Variants in CADM1 observed in about 807,000 individuals in gnomAD.
The protein encoded by CADM1 is TSLC-1.
In CADM1, 15 loss-of-function variants were observed where a neutral mutation model predicts 53.1. The ratio of observed to expected loss-of-function variants is 0.28; its 90% CI spans 0.19 to 0.44. The LOEUF is 0.44. CADM1 is among the 20% of genes least tolerant of loss of function. The probability of loss-of-function intolerance (pLI) is 1.00; values close to 1 mark genes in which losing one functional copy is unlikely to be tolerated. For synonymous variants in CADM1, 281 were observed against 243.0 expected, an observed-to-expected ratio of 1.16 and a Z score of -1.45; for missense variants, 434 against 611.3, an observed-to-expected ratio of 0.71 and a Z score of 3.06.
At chr11:115,419,882 G>A (rs754061036) in intron 1 of CADM1, among the ~76,000 whole-genome samples, 1 of 152,138 alleles carries the variant, frequency 6.6e-6, no homozygotes, top group Non-Finnish European at 1.5e-5. Context: ...CTTTCATCTT[G>A]ACTGTGCCCA....
chr11:115,501,111 G>A (rs940546383), intron 1 of CADM1, among the ~76,000 whole-genome samples: 12 of 151,948 alleles, frequency 7.9e-5, no homozygotes, highest in African/African-American at 2.9e-4. Context: ...TGGGTCTCTT[G>A]TTCCTCCAAA....
At chr11:115,370,626 G>T (rs1166899361) in intron 1 of CADM1, among the ~76,000 whole-genome samples, 1 of 152,124 alleles carries the variant, frequency 6.6e-6, no homozygotes, top group Non-Finnish European at 1.5e-5. Context: ...CCAATGCCTT[G>T]ATCTTGGAAG....
intron 1 of CADM1, among the ~76,000 whole-genome samples, chr11:115,384,747 TAC>T (rs1331877970): frequency 7.9e-5 from 12 of 152,196 alleles, no homozygotes; most frequent in Non-Finnish European, 1.6e-4. Flanking sequence ...CCTACAAACG[TAC>T]AGTCTGAAAA....
intron 1 of CADM1, among the ~76,000 whole-genome samples, chr11:115,383,804 A>G (rs1475527526): frequency 6.6e-6 from 1 of 152,216 alleles, no homozygotes; most frequent in Admixed American, 6.5e-5. Flanking sequence ...CTGTTAACCC[A>G]AATGGCTGAT....
chr11:115,289,627 GCT>G (rs1565345967), intron 1 of CADM1, among the ~76,000 whole-genome samples: 1 of 126,926 alleles, frequency 7.9e-6, no homozygotes, highest in African/African-American at 3.0e-5. Flanking sequence ...ACAGAGTCTC[GCT>G]CTGTCGCCCA....
intron 8 of CADM1, 82 bp from the exon 9 acceptor site, chr11:115,198,520 G>A: frequency 9.7e-7 from 1 of 1,031,442 alleles, no homozygotes; most frequent in Middle Eastern, 2.0e-4. Flanking sequence ...GAAAAAAAAT[G>A]GAACAGATAA....
chr11:115,187,180 G>A lies in CADM1; in HGVS notation c.1165+3708C>T, dbSNP rs563348825. 9.9e-4 allele frequency among the ~76,000 whole-genome samples: 149 copies of A among 150,866 alleles called. 2 individuals carry two copies. The Middle Eastern group carries it at 0.041, about 42-fold the overall frequency. ...TTTTTAATGTTTTATTATCATTATTGTTGTTATTACTCTACCAAGGGAATA... is the reference window on the plus strand; with the variant it reads ...TTTTTAATGTTTTATTATCATTATTATTGTTATTACTCTACCAAGGGAATA... On this transcript the variant is annotated intron_variant, in intron 10 of 11. Transcript: ENST00000331581.
chr11:115,357,269 G>A (rs561601888), intron 1 of CADM1, among the ~76,000 whole-genome samples: 1 of 152,168 alleles, frequency 6.6e-6, no homozygotes, highest in South Asian at 2.1e-4. Context: ...ACAGAGCCAC[G>A]TGTAGGAAAA....
At chr11:115,271,454 T>C (rs564370161) in intron 1 of CADM1, among the ~76,000 whole-genome samples, 20 of 152,246 alleles carry the variant, frequency 1.3e-4, no homozygotes, top group Non-Finnish European at 2.4e-4. Flanking sequence ...AGCTAATTTT[T>C]TGTATTTTTA....
chr11:115,396,315 T>C (rs150475248), intron 1 of CADM1, among the ~76,000 whole-genome samples: 73 of 152,250 alleles, frequency 4.8e-4, no homozygotes, highest in African/African-American at 1.7e-3. Flanking sequence ...CCAGAAAAAA[T>C]GGTGTATCAA....
chr11:115,276,765 A>G (rs1943456585), intron 1 of CADM1, among the ~76,000 whole-genome samples: 1 of 152,140 alleles, frequency 6.6e-6, no homozygotes, highest in Non-Finnish European at 1.5e-5. Flanking sequence ...ATGCTGCCAA[A>G]AGCCCCGTGG....
rs541458585 is a variant in CADM1, at chr11:115,419,477, CAT to C, written c.124+84792_124+84793del. Reference sequence around the variant, plus strand: ...CTTTAAGAAACACACCATAAAGAGACATAATCCTTTTGAGTCTTTAAGTTCAA... The same window carrying C: ...CTTTAAGAAACACACCATAAAGAGACAATCCTTTTGAGTCTTTAAGTTCAA... On this transcript the variant is annotated intron_variant, in intron 1 of 11. Transcript: ENST00000331581. Among the ~76,000 whole-genome samples, 8 of 152,304 alleles carry C rather than the reference CAT, an allele frequency of 5.3e-5. No homozygotes were observed. The South Asian group carries it at 6.2e-4, about 12-fold the overall frequency.
At chr11:115,484,569 C>G (rs1949328184) in intron 1 of CADM1, among the ~76,000 whole-genome samples, 1 of 152,186 alleles carries the variant, frequency 6.6e-6, no homozygotes, top group African/African-American at 2.4e-5. Context: ...TATGGACAGG[C>G]TGAACTGGCT....
chr11:115,351,782 A>G (rs1466207340), intron 1 of CADM1, among the ~76,000 whole-genome samples: 1 of 152,202 alleles, frequency 6.6e-6, no homozygotes, highest in Non-Finnish European at 1.5e-5. Flanking sequence ...TCTCTAGGGC[A>G]TAGGAGCCCC....
At chr11:115,350,551 T>C (rs867423208) in intron 1 of CADM1, among the ~76,000 whole-genome samples, 83 of 149,548 alleles carry the variant, frequency 5.6e-4, no homozygotes, top group African/African-American at 2.0e-3. Flanking sequence ...ATTTAGGTCA[T>C]ATATATTTAA....
At chr11:115,262,068 C>T (rs944199692) in intron 1 of CADM1, among the ~76,000 whole-genome samples, 2 of 152,044 alleles carry the variant, frequency 1.3e-5, no homozygotes, top group Admixed American at 1.3e-4. Flanking sequence ...CGTGAGCCAC[C>T]GAAGATATTT....
At chr11:115,482,726 C>T (rs1453170970) in intron 1 of CADM1, among the ~76,000 whole-genome samples, 3 of 152,130 alleles carry the variant, frequency 2.0e-5, no homozygotes, top group Non-Finnish European at 4.4e-5. Flanking sequence ...AAGGAGCTGA[C>T]AATCTCACAG....
chr11:115,371,715 T>C (rs1049570738), intron 1 of CADM1, among the ~76,000 whole-genome samples: 1 of 149,746 alleles, frequency 6.7e-6, no homozygotes, highest in Admixed American at 6.7e-5. Context: ...CTGGGCTCAC[T>C]GCAAGCTCTG....
chr11:115,349,620 G>C (rs972912418), intron 1 of CADM1, among the ~76,000 whole-genome samples: 2 of 152,174 alleles, frequency 1.3e-5, no homozygotes, highest in African/African-American at 4.8e-5. Flanking sequence ...GCCAGATTCT[G>C]TTGGTATTTT....
Sources: gnomAD v4.1 joint callset for allele counts (sites outside exome capture counted in the v4.1 genomes callset) on GRCh38, gnomAD v4.1.1 for gene constraint, MANE v1.5 for transcripts, NCBI Gene and HGNC (gene_info 2026-07-23, HGNC 2026-07-21) for gene names.